Variants in PDE4D observed in about 807,000 individuals in gnomAD.
The protein encoded by PDE4D is phosphodiesterase 4D.
Under a neutral mutation model 87.4 loss-of-function variants are expected in PDE4D, and 24 were observed. The observed-to-expected ratio is 0.27, with a 90% CI of 0.20 to 0.39. The LOEUF (loss-of-function observed/expected upper bound fraction) is 0.39, where lower values mean the gene tolerates loss of function less well. PDE4D is among the 10% of genes least tolerant of loss of function. PDE4D has a pLI of 1.00. For synonymous variants in PDE4D, 384 were observed against 383.2 expected, an observed-to-expected ratio of 1.00 and a Z score of -0.02; for missense variants, 714 against 1,041.0, an observed-to-expected ratio of 0.69 and a Z score of 4.32.
intron 1 of PDE4D, among the ~76,000 whole-genome samples, chr5:59,291,595 TA>T (rs914800949): frequency 9.9e-5 from 15 of 151,968 alleles, no homozygotes; most frequent in Middle Eastern, 3.4e-3. Flanking sequence ...GTTTGTAACA[TA>T]AAAAAAGGAT....
chr5:59,983,092 C>T (rs751909342), intron 3 of PDE4D, among the ~76,000 whole-genome samples: 27 of 152,184 alleles, frequency 1.8e-4, no homozygotes, highest in Non-Finnish European at 3.4e-4. Context: ...AGACAGGACT[C>T]AAATTCAGAC....
chr5:60,521,433 A>G (rs551422496), intron 1 of PDE4D: 2 of 152,332 alleles, frequency 1.3e-5, no homozygotes, highest in South Asian at 2.1e-4. Flanking sequence ...ACATCATCCT[A>G]TATACTACAA....
chr5:60,075,832 T>C (rs978008892), intron 2 of PDE4D, among the ~76,000 whole-genome samples: 2 of 152,182 alleles, frequency 1.3e-5, no homozygotes, highest in Non-Finnish European at 2.9e-5. Flanking sequence ...TTATGAAATT[T>C]TTGTACTGTG....
chr5:59,570,286 G>A (rs1821608997), intron 1 of PDE4D, among the ~76,000 whole-genome samples: 2 of 152,142 alleles, frequency 1.3e-5, no homozygotes, highest in South Asian at 2.1e-4. Flanking sequence ...TTAATCTCCT[G>A]ATACTTTCTG....
intron 1 of PDE4D, among the ~76,000 whole-genome samples, chr5:60,220,711 AT>A (rs1744398103): frequency 6.6e-6 from 1 of 152,114 alleles, no homozygotes; most frequent in African/African-American, 2.4e-5. Flanking sequence ...GATATTTAAA[AT>A]GCTATTCATT....
At chr5:59,244,890 T>A (rs891719199) in intron 1 of PDE4D, among the ~76,000 whole-genome samples, 1 of 151,584 alleles carries the variant, frequency 6.6e-6, no homozygotes, top group Non-Finnish European at 1.5e-5. Context: ...ATGATGGCTA[T>A]CCCTGGAAGC....
At chr5:59,256,061 T>TA (rs1161541531) in intron 1 of PDE4D, among the ~76,000 whole-genome samples, 1 of 152,050 alleles carries the variant, frequency 6.6e-6, no homozygotes, top group Non-Finnish European at 1.5e-5. Context: ...GAGTAAATGT[T>TA]AAAAAATGAA....
At chr5:59,356,896 G>C (rs1159645155) in intron 1 of PDE4D, 1 of 1,493,304 alleles carries the variant, frequency 6.7e-7, no homozygotes, top group East Asian at 2.5e-5. Context: ...GTCAGAGCTG[G>C]TGCGGGGCTC....
chr5:59,784,889 G>A (rs976757570), intron 1 of PDE4D, among the ~76,000 whole-genome samples: 1 of 151,834 alleles, frequency 6.6e-6, no homozygotes, highest in Non-Finnish European at 1.5e-5. Flanking sequence ...CTTTATAAGG[G>A]GAAACCCCTT....
In PDE4D at chr5:59,080,295, T is replaced by C. The variant is rs141102604; in HGVS notation, c.809-41324A>G. Among the ~76,000 whole-genome samples the C allele has an allele frequency of 3.3e-4, 51 of 152,336 alleles. 1 individual carries two copies. In the East Asian group the frequency reaches 9.4e-3, roughly 28 times the overall value. On this transcript the variant is annotated intron_variant, in intron 5 of 14. Coordinates refer to ENST00000340635, the MANE Select transcript of PDE4D (RefSeq NM_001104631.2). ...TGATGAACGTGACCCTGGCACTCTG[T>C]AGCCCTCAGTTTCCTCAACGCTAAA...
chr5:60,319,796 T>C (rs1408462321), intron 1 of PDE4D, among the ~76,000 whole-genome samples: 1 of 152,110 alleles, frequency 6.6e-6, no homozygotes, highest in African/African-American at 2.4e-5. Flanking sequence ...TGCAGAACAG[T>C]GGATATTGGT....
intron 1 of PDE4D, among the ~76,000 whole-genome samples, chr5:59,525,282 G>T (rs909469903): frequency 2.6e-5 from 4 of 152,266 alleles, no homozygotes; most frequent in African/African-American, 9.6e-5. Flanking sequence ...TGAACTGGAT[G>T]TAAGACATGG....
At chr5:59,093,271 A>G (rs1416006139) in intron 5 of PDE4D, among the ~76,000 whole-genome samples, 1 of 152,194 alleles carries the variant, frequency 6.6e-6, no homozygotes, top group Non-Finnish European at 1.5e-5. Context: ...TTAAAATTAT[A>G]TGGAGCCTTT....
At position 59,162,122 on chromosome 5, in the gene PDE4D, T is replaced by C. The variant is rs143950661; in HGVS notation, c.808+18473A>G. ...CTTTCATCCAGTGATACCAAAACAA[T>C]TCAGTTTATTAAAGGCCTAGGAAGC... On this transcript the variant is annotated intron_variant, in intron 5 of 14. Coordinates refer to ENST00000340635, the MANE Select transcript of PDE4D (RefSeq NM_001104631.2). 7.8e-3 allele frequency among the ~76,000 whole-genome samples: 1,182 copies of C among 152,276 alleles called. 9 individuals carry two copies. The highest frequency in any genetic ancestry group is 0.012 in the Non-Finnish European group (847 of 68,008).
intron 1 of PDE4D, among the ~76,000 whole-genome samples, chr5:59,834,802 T>C (rs531725892): frequency 1.2e-4 from 18 of 152,144 alleles, no homozygotes; most frequent in African/African-American, 4.1e-4. Flanking sequence ...ATAAACCACG[T>C]TGAAATTTCA....
At chr5:60,288,909 T>G (rs1752649556) in intron 1 of PDE4D, among the ~76,000 whole-genome samples, 1 of 152,220 alleles carries the variant, frequency 6.6e-6, no homozygotes, top group Non-Finnish European at 1.5e-5. Context: ...GTACCTTAAA[T>G]TTCTGAGAAT....
intron 1 of PDE4D, among the ~76,000 whole-genome samples, chr5:60,448,311 T>G (rs1745814121): frequency 6.6e-6 from 1 of 152,040 alleles, no homozygotes; most frequent in Non-Finnish European, 1.5e-5. Context: ...CCAGAATAAC[T>G]CAGAACAAAA....
At chr5:59,808,298 C>A (rs1284113383) in intron 1 of PDE4D, among the ~76,000 whole-genome samples, 2 of 152,202 alleles carry the variant, frequency 1.3e-5, no homozygotes, top group Admixed American at 6.5e-5. Context: ...ACAGAACTTT[C>A]TCTTTTAAGA....
intron 5 of PDE4D, chr5:59,091,229 G>A (rs1768669910): frequency 2.4e-6 from 1 of 415,286 alleles, no homozygotes; most frequent in South Asian, 1.8e-5. Flanking sequence ...AATGCTTTCT[G>A]CTTATCTGCT....
Sources: gnomAD v4.1 joint callset for allele counts (sites outside exome capture counted in the v4.1 genomes callset) on GRCh38, gnomAD v4.1.1 for gene constraint, MANE v1.5 for transcripts, NCBI Gene and HGNC (gene_info 2026-07-23, HGNC 2026-07-21) for gene names.